EFNA5: variants seen among roughly 807,000 people sequenced by gnomAD.
EFNA5 encodes ephrin-A5.
EFNA5 carries 5 observed loss-of-function variants against 22.9 expected under a neutral mutation model. The ratio of observed to expected loss-of-function variants is 0.22; its 90% CI spans 0.11 to 0.46. The LOEUF (loss-of-function observed/expected upper bound fraction) is 0.46. Among genes scored for constraint, EFNA5 ranks in the 20% least tolerant of loss-of-function variants. The pLI, the probability that EFNA5 is intolerant of heterozygous loss-of-function variation, is 0.99. For synonymous variants in EFNA5, 113 were observed against 112.2 expected, an observed-to-expected ratio of 1.01 and a Z score of -0.04; for missense variants, 237 against 293.3, an observed-to-expected ratio of 0.81 and a Z score of 1.40.
intron 1 of EFNA5, among the ~76,000 whole-genome samples, chr5:107,529,864 A>C (rs1348342857): frequency 6.6e-6 from 1 of 152,236 alleles, no homozygotes; most frequent in African/African-American, 2.4e-5. Flanking sequence ...AGCATCCTAC[A>C]TACAAATGCA....
At chr5:107,483,274 G>C (rs1270103425) in intron 1 of EFNA5, among the ~76,000 whole-genome samples, 1 of 152,074 alleles carries the variant, frequency 6.6e-6, no homozygotes, top group Non-Finnish European at 1.5e-5. Context: ...GGTCTCAATG[G>C]TCTACCAGAT....
intron 1 of EFNA5, among the ~76,000 whole-genome samples, chr5:107,601,734 T>C (rs988785661): frequency 2.0e-5 from 3 of 152,246 alleles, no homozygotes; most frequent in Admixed American, 2.0e-4. Context: ...CTTTAACTCA[T>C]GTTTTTTCCT....
At chr5:107,660,259 A>AATAT (rs1750917218) in intron 1 of EFNA5, among the ~76,000 whole-genome samples, 1 of 73,586 alleles carries the variant, frequency 1.4e-5, no homozygotes, top group Non-Finnish European at 2.8e-5. Context: ...AGATGGCAAA[A>AATAT]ACATATATAT....
intron 2 of EFNA5, among the ~76,000 whole-genome samples, chr5:107,421,337 T>C (rs1008823740): frequency 6.6e-5 from 10 of 152,146 alleles, no homozygotes; most frequent in African/African-American, 2.2e-4. Flanking sequence ...GCTGGAAAAA[T>C]TCTCTTTTAG....
chr5:107,593,694 C>A (rs902684728), intron 1 of EFNA5, among the ~76,000 whole-genome samples: 2 of 151,790 alleles, frequency 1.3e-5, no homozygotes, highest in Non-Finnish European at 2.9e-5. Flanking sequence ...ACTATGGGAC[C>A]GGAAGGATTA....
At chr5:107,628,511 T>C (rs369273777) in intron 1 of EFNA5, among the ~76,000 whole-genome samples, 20 of 152,140 alleles carry the variant, frequency 1.3e-4, no homozygotes, top group Admixed American at 7.9e-4. Context: ...ATATAGAACA[T>C]TGGAAGTGGG....
chr5:107,422,237 T>C (rs1273394402), intron 2 of EFNA5, among the ~76,000 whole-genome samples: 1 of 152,136 alleles, frequency 6.6e-6, no homozygotes, highest in Non-Finnish European at 1.5e-5. Context: ...CGTAGTGCTG[T>C]TTTCAGATGG....
chr5:107,536,979 C>G lies in EFNA5; in HGVS notation c.126-109470G>C, dbSNP rs201346505. Among the ~76,000 whole-genome samples, 23 of 151,222 alleles carry G rather than the reference C, an allele frequency of 1.5e-4. No homozygotes were observed. The East Asian group carries it at 4.6e-3, about 30-fold the overall frequency. ...AATTAGCTGGGTGTGGTGGCGGCTG[C>G]CTGTAATCCTGGCTACTTGGGAGGC... On this transcript the variant is annotated intron_variant, in intron 1 of 4. Coordinates refer to ENST00000333274, the MANE Select transcript of EFNA5 (RefSeq NM_001962.3).
intron 1 of EFNA5, among the ~76,000 whole-genome samples, chr5:107,535,811 C>A (rs1265162644): frequency 1.3e-5 from 2 of 152,112 alleles, no homozygotes; most frequent in East Asian, 3.9e-4. Flanking sequence ...TCATTACTCC[C>A]AGTTAATATT....
chr5:107,513,539 C>G (rs17534270), intron 1 of EFNA5, among the ~76,000 whole-genome samples: 22,718 of 152,040 alleles, frequency 0.15, 1,922 homozygotes, highest in Middle Eastern at 0.22. Flanking sequence ...AATTTTAAAA[C>G]GAGAACTACC....
At chr5:107,445,569 G>A (rs1749368029) in intron 1 of EFNA5, among the ~76,000 whole-genome samples, 2 of 152,156 alleles carry the variant, frequency 1.3e-5, no homozygotes, top group Admixed American at 6.5e-5. Flanking sequence ...CACAAGTCAC[G>A]AAAAGGGAGG....
intron 1 of EFNA5, among the ~76,000 whole-genome samples, chr5:107,511,534 C>A (rs986627846): frequency 2.0e-5 from 3 of 151,978 alleles, no homozygotes; most frequent in African/African-American, 7.2e-5. Flanking sequence ...TAAATGGTAT[C>A]CTAAAAAATA....
At chr5:107,545,312 A>AG (rs1262752831) in intron 1 of EFNA5, among the ~76,000 whole-genome samples, 2 of 152,262 alleles carry the variant, frequency 1.3e-5, no homozygotes, top group Non-Finnish European at 2.9e-5. Context: ...CAGTATTTCT[A>AG]ATGATCTTAT....
At chr5:107,618,478 C>G (rs1749969854) in intron 1 of EFNA5, among the ~76,000 whole-genome samples, 1 of 152,098 alleles carries the variant, frequency 6.6e-6, no homozygotes, top group Admixed American at 6.6e-5. Context: ...AGTAGACTGA[C>G]AAATCAAAAG....
At chr5:107,648,175 C>G (rs1156271441) in intron 1 of EFNA5, among the ~76,000 whole-genome samples, 2 of 152,056 alleles carry the variant, frequency 1.3e-5, no homozygotes, top group African/African-American at 4.8e-5. Context: ...TAGGTTCTCA[C>G]TGATTATTAA....
intron 1 of EFNA5, among the ~76,000 whole-genome samples, chr5:107,568,770 A>G (rs1748715250): frequency 2.6e-5 from 4 of 152,230 alleles, no homozygotes; most frequent in African/African-American, 4.8e-5. Flanking sequence ...CTAGTTGAAA[A>G]AACATTTTTT....
intron 1 of EFNA5, among the ~76,000 whole-genome samples, chr5:107,629,550 G>T (rs749392583): frequency 1.3e-5 from 2 of 152,112 alleles, no homozygotes; most frequent in Non-Finnish European, 2.9e-5. Context: ...TGTAACAAAC[G>T]TACCACTGTG....
chr5:107,493,887 A>G (rs948721148), intron 1 of EFNA5, among the ~76,000 whole-genome samples: 2 of 152,226 alleles, frequency 1.3e-5, no homozygotes, highest in African/African-American at 4.8e-5. Flanking sequence ...ATGAGGAAAC[A>G]GGCACAGGCA....
At chr5:107,526,379 G>T (rs934928306) in intron 1 of EFNA5, among the ~76,000 whole-genome samples, 1 of 152,176 alleles carries the variant, frequency 6.6e-6, no homozygotes, top group Non-Finnish European at 1.5e-5. Context: ...TCATTCCAGT[G>T]TAAGGTTTGC....
Sources: gnomAD v4.1 joint callset for allele counts (sites outside exome capture counted in the v4.1 genomes callset) on GRCh38, gnomAD v4.1.1 for gene constraint, MANE v1.5 for transcripts, NCBI Gene and HGNC (gene_info 2026-07-23, HGNC 2026-07-21) for gene names.